The following RPS6KC1 variants were observed in gnomAD, a reference collection of about 807,000 sequenced individuals.
RPS6KC1 encodes the protein ribosomal protein S6 kinase C1, also known as inactive ribosomal protein S6 kinase delta-1.
RPS6KC1 carries 54 observed loss-of-function variants against 103.8 expected under a neutral mutation model. That is an observed-to-expected ratio of 0.52 (90% CI 0.42 to 0.65). The LOEUF is 0.65. Among genes scored for constraint, RPS6KC1 ranks in the 30% least tolerant of loss-of-function variants. The pLI is 0.00. For synonymous variants in RPS6KC1, 439 were observed against 438.7 expected (o/e 1.00, Z -0.01); for missense variants, 1,151 against 1,253.8 (o/e 0.92, Z 1.24).
At chr1:213,409,504 G>T in the RPS6KC1 span, among the ~76,000 whole-genome samples, 1 of 152,106 alleles carries the variant, frequency 6.6e-6, no homozygotes, top group African/African-American at 2.4e-5. Flanking sequence ...AAAACATGAG[G>T]CAGGTTCAGG....
intron 5 of RPS6KC1, among the ~76,000 whole-genome samples, chr1:213,120,710 A>G (rs1452330806): frequency 1.3e-5 from 2 of 152,152 alleles, no homozygotes; most frequent in East Asian, 3.8e-4. Context: ...GTGGATTGTC[A>G]TTTTTCATAT....
chr1:213,540,516 T>C, the RPS6KC1 span, among the ~76,000 whole-genome samples: 1 of 152,166 alleles, frequency 6.6e-6, no homozygotes, highest in Non-Finnish European at 1.5e-5. Flanking sequence ...GCTGATTTTC[T>C]TTTTTGTAAT....
the RPS6KC1 span, among the ~76,000 whole-genome samples, chr1:213,546,824 C>G: frequency 6.6e-6 from 1 of 152,170 alleles, no homozygotes; most frequent in South Asian, 2.1e-4. Context: ...ACTAATGAAT[C>G]AATATCGATA....
chr1:213,800,264 G>A, the RPS6KC1 span, among the ~76,000 whole-genome samples: 7 of 152,288 alleles, frequency 4.6e-5, no homozygotes, highest in East Asian at 1.9e-4. Flanking sequence ...GATGGTGTTC[G>A]AGAAGAGGCA....
the RPS6KC1 span, among the ~76,000 whole-genome samples, chr1:213,849,778 G>A: frequency 6.6e-6 from 1 of 151,778 alleles, no homozygotes; most frequent in Non-Finnish European, 1.5e-5. Flanking sequence ...AGTTTTTTGA[G>A]GTCTCTCAGT....
At chr1:213,778,210 A>C in the RPS6KC1 span, among the ~76,000 whole-genome samples, 1 of 152,236 alleles carries the variant, frequency 6.6e-6, no homozygotes. Context: ...ATAAATATTG[A>C]TATAGCAAAG....
chr1:213,852,665 T>C, the RPS6KC1 span, among the ~76,000 whole-genome samples: 1 of 152,316 alleles, frequency 6.6e-6, no homozygotes, highest in Non-Finnish European at 1.5e-5. Context: ...TTAAGCACTC[T>C]GTTAAGCATT....
chr1:213,724,737 A>C, the RPS6KC1 span, among the ~76,000 whole-genome samples: 69 of 152,256 alleles, frequency 4.5e-4, no homozygotes, highest in African/African-American at 1.6e-3. Context: ...CACCATCTCT[A>C]AAAAAATAAT....
chr1:213,438,801 T>C, the RPS6KC1 span, among the ~76,000 whole-genome samples: 2 of 148,268 alleles, frequency 1.3e-5, no homozygotes, highest in Non-Finnish European at 3.0e-5. Flanking sequence ...TCTTTTTTTT[T>C]TTTTTTTTTT....
At chr1:213,322,948 G>A in the RPS6KC1 span, among the ~76,000 whole-genome samples, 1 of 102,318 alleles carries the variant, frequency 9.8e-6, no homozygotes, top group African/African-American at 3.8e-5. Flanking sequence ...TTTTTTAGTA[G>A]AGACAGGGTT....
intron 10 of RPS6KC1, among the ~76,000 whole-genome samples, chr1:213,238,051 TACCTGTTTTA>T (rs1333387197): frequency 6.6e-6 from 1 of 152,148 alleles, no homozygotes; most frequent in East Asian, 1.9e-4. Flanking sequence ...AAATATTTAA[TACCTGTTTTA>T]CATGCTAGAT....
intron 7 of RPS6KC1, among the ~76,000 whole-genome samples, chr1:213,168,214 CATCTGT>C (rs1242564858): frequency 6.6e-6 from 1 of 152,198 alleles, no homozygotes; most frequent in East Asian, 1.9e-4. Flanking sequence ...TTAATCTCCT[CATCTGT>C]AGATTGACAG....
chr1:213,219,220 AAAG>A (rs2093756606), intron 8 of RPS6KC1, among the ~76,000 whole-genome samples: 1 of 152,270 alleles, frequency 6.6e-6, no homozygotes, highest in African/African-American at 2.4e-5. Flanking sequence ...ACACTTTTCA[AAAG>A]AAGACATTTA....
intron 7 of RPS6KC1, among the ~76,000 whole-genome samples, chr1:213,173,523 G>A (rs2091642136): frequency 6.6e-6 from 1 of 152,132 alleles, no homozygotes; most frequent in Non-Finnish European, 1.5e-5. Context: ...ATTTTCCTCT[G>A]TTCTCCAATT....
intron 2 of RPS6KC1, 79 bp downstream of exon 2, chr1:213,071,120 T>C (rs1437014075): frequency 1.2e-6 from 1 of 830,954 alleles, no homozygotes; most frequent in Non-Finnish European, 1.9e-6. Context: ...ATTGCCTGAA[T>C]CATTTGTACA....
the RPS6KC1 span, among the ~76,000 whole-genome samples, chr1:213,436,093 G>C: frequency 1.2e-4 from 19 of 152,176 alleles, no homozygotes; most frequent in Non-Finnish European, 2.6e-4. Context: ...TTGCTTTGTA[G>C]TTTTGTCCTT....
chr1:213,784,039 G>C, the RPS6KC1 span, among the ~76,000 whole-genome samples: 1 of 152,158 alleles, frequency 6.6e-6, no homozygotes, highest in Non-Finnish European at 1.5e-5. Context: ...AGACAGAAGA[G>C]GAAGCTGCTG....
the RPS6KC1 span, among the ~76,000 whole-genome samples, chr1:213,648,881 C>A: frequency 3.9e-5 from 6 of 152,178 alleles, no homozygotes; most frequent in African/African-American, 1.4e-4. Flanking sequence ...TTGTCTCATG[C>A]CAACATTCCA....
At chr1:213,216,314 G>A (rs2093657904) in intron 8 of RPS6KC1, among the ~76,000 whole-genome samples, 1 of 152,184 alleles carries the variant, frequency 6.6e-6, no homozygotes, top group African/African-American at 2.4e-5. Context: ...AATTCAACAA[G>A]AGCTAACTAT....
Sources: allele counts gnomAD v4.1 joint callset (sites outside exome capture counted in the v4.1 genomes callset), GRCh38; gene constraint gnomAD v4.1.1; transcripts MANE v1.5; gene names NCBI Gene and HGNC (gene_info 2026-07-23, HGNC 2026-07-21).